SPON2: variants seen among roughly 807,000 people sequenced by gnomAD.
SPON2 encodes the protein spondin 2.
A neutral mutation model predicts 29.9 loss-of-function variants in SPON2; 32 were observed. The ratio of observed to expected loss-of-function variants is 1.07; its 90% CI spans 0.81 to 1.44. The LOEUF is 1.44. Among genes scored for constraint, SPON2 ranks in the 40% most tolerant of loss-of-function variants. The probability of loss-of-function intolerance (pLI) is 0.00; values close to 1 mark genes in which losing one functional copy is unlikely to be tolerated. For synonymous variants in SPON2, 248 were observed against 209.1 expected (o/e 1.19, Z -1.61); for missense variants, 541 against 455.5 (o/e 1.19, Z -1.71).
chr4:1,169,732 A>G (rs1727361556), intron 5 of SPON2: 1 of 152,398 alleles, frequency 6.6e-6, no homozygotes, highest in Non-Finnish European at 1.5e-5. Context: ...TCTGGGGCCT[A>G]CACTGACTGT....
chr4:1,186,048 T>G (rs868024077), intron 1 of SPON2, among the ~76,000 whole-genome samples: 34 of 149,556 alleles, frequency 2.3e-4, no homozygotes, highest in East Asian at 2.0e-3. Flanking sequence ...ATCGAGACCA[T>G]CCTGGCTAAC....
At chr4:1,200,476 G>A (rs1728170647) in intron 1 of SPON2, among the ~76,000 whole-genome samples, 1 of 152,180 alleles carries the variant, frequency 6.6e-6, no homozygotes, top group South Asian at 2.1e-4. Context: ...TGTCAGAGCA[G>A]GGGAGGCTCA....
At chr4:1,176,042 G>C (rs543643084), upstream of SPON2, among the ~76,000 whole-genome samples, 82 of 152,238 alleles carry the variant, frequency 5.4e-4, no homozygotes, top group African/African-American at 1.9e-3. Context: ...GGAGAACTGG[G>C]GCCAGGTGGG....
intron 3 of SPON2, 34 bp downstream of exon 3, chr4:1,171,229 C>G: frequency 7.0e-7 from 1 of 1,434,908 alleles, no homozygotes; most frequent in Non-Finnish European, 9.0e-7. Context: ...GCCCCGGCCC[C>G]CCGGACCCCG....
At chr4:1,206,155 G>A (rs1006236854) in intron 1 of SPON2, among the ~76,000 whole-genome samples, 25 of 152,182 alleles carry the variant, frequency 1.6e-4, no homozygotes, top group African/African-American at 4.3e-4. Flanking sequence ...AGGCTGACCC[G>A]GGGCCATGAA....
upstream of SPON2, among the ~76,000 whole-genome samples, chr4:1,196,605 C>T (rs1728075539): frequency 6.6e-6 from 1 of 152,212 alleles, no homozygotes; most frequent in African/African-American, 2.4e-5. Context: ...CTGGCTGTCT[C>T]CTCTCCTGCA....
Position 1,186,005 on chromosome 4 carries a change from G to A in SPON2, c.-238-6464C>T, listed in dbSNP as rs1260188550. 2.1e-3 allele frequency among the ~76,000 whole-genome samples: 320 copies of A among 151,620 alleles called. 2 individuals are homozygous for A. Among genetic ancestry groups the A allele is most frequent in the African/African-American group, 7.5e-3 (312 of 41,452 alleles). On this transcript the variant is annotated intron_variant, in intron 1 of 3. Transcript: ENST00000502483. ...CACGCCTGTAATCCCAGCACTTTGGGAGGCCGAGGCGGGCGGATCACGAGG... is the reference window on the plus strand; with the variant it reads ...CACGCCTGTAATCCCAGCACTTTGGAAGGCCGAGGCGGGCGGATCACGAGG...
intron 5 of SPON2, chr4:1,167,876 G>A (rs556636285): frequency 6.4e-6 from 3 of 469,590 alleles, no homozygotes; most frequent in Non-Finnish European, 1.1e-5. Context: ...GCGTTTCTAC[G>A]TAAGAGCCGG....
chr4:1,195,953 G>A (rs1728060145), upstream of SPON2, among the ~76,000 whole-genome samples: 2 of 152,202 alleles, frequency 1.3e-5, no homozygotes, highest in African/African-American at 4.8e-5. Context: ...TTGAGTTGGT[G>A]ACTTCGCCTT....
chr4:1,171,289 G>T lies in SPON2; in HGVS notation c.418C>A (p.Leu140Met). Residue 140 changes from leucine to methionine, a missense_variant, in exon 3 of 6, where the codon CTG becomes ATG. Physicochemically the swap from Leu to Met is conservative, Grantham distance 15. Transcript: ENST00000290902. ...AGCGAGTGCCTGCGCTGCACCTCCA[G>T]CTCCGCCGACGTCTGCCCGGTGCCG... ...PSGTGQTSAE[L>M]EVQRRHSLVS... The T allele has an allele frequency of 6.4e-7, 1 of 1,573,202 alleles. No individual in the cohort carries two copies. The highest frequency in any genetic ancestry group is 8.6e-7 in the Non-Finnish European group (1 of 1,166,004).
intron 4 of SPON2, 83 bp from the exon 5 acceptor site, chr4:1,170,659 C>G (rs1199241663): frequency 2.1e-6 from 3 of 1,434,568 alleles, no homozygotes; most frequent in Non-Finnish European, 1.9e-6. Flanking sequence ...GGGCCACTGC[C>G]CAGCGTCCAG....
intron 5 of SPON2, 46 bp from the exon 6 acceptor site, chr4:1,167,702 G>A (rs897149474): frequency 3.3e-6 from 5 of 1,535,138 alleles, no homozygotes; most frequent in African/African-American, 1.4e-5. Flanking sequence ...CGCGTGAAGA[G>A]GCGCTTCGTA....
chr4:1,186,230 C>G (rs1394818974), intron 1 of SPON2, among the ~76,000 whole-genome samples: 3 of 138,542 alleles, frequency 2.2e-5, no homozygotes, highest in East Asian at 2.1e-4. Context: ...GGTGACAGAG[C>G]GAGACTCCGT....
At chr4:1,174,021 G>C (rs961200970), upstream of SPON2, among the ~76,000 whole-genome samples, 1 of 151,522 alleles carries the variant, frequency 6.6e-6, no homozygotes, top group African/African-American at 2.4e-5. Context: ...GCAACACAGG[G>C]AGACCTCATC....
chr4:1,191,911 T>A (rs1182238997), intron 1 of SPON2, among the ~76,000 whole-genome samples: 2 of 152,138 alleles, frequency 1.3e-5, no homozygotes, highest in Non-Finnish European at 1.5e-5. Flanking sequence ...CCCCTCCCCA[T>A]AGGCCTACAC....
At chr4:1,198,113 A>T (rs967442576), upstream of SPON2, among the ~76,000 whole-genome samples, 2 of 151,634 alleles carry the variant, frequency 1.3e-5, no homozygotes, top group African/African-American at 4.9e-5. Flanking sequence ...ACATTGAAAT[A>T]AAAAAACCCA....
intron 5 of SPON2, chr4:1,168,008 C>T: frequency 4.0e-6 from 1 of 251,094 alleles, no homozygotes; most frequent in Non-Finnish European, 7.6e-6. Flanking sequence ...AGCTGCTCTG[C>T]CCGAGCCTGG....
intron 1 of SPON2, among the ~76,000 whole-genome samples, chr4:1,207,292 C>G (rs1269531633): frequency 2.0e-5 from 3 of 151,988 alleles, no homozygotes; most frequent in South Asian, 2.1e-4. Context: ...TCCGGCTGCT[C>G]GACACCCTCC....
rs373861293 is a variant in SPON2, at chr4:1,172,011, T to A, written c.61A>T (p.Thr21Ser). The A allele has an allele frequency of 1.9e-6, 3 of 1,609,928 alleles. No individual in the cohort carries two copies. The African/African-American group carries it at 4.1e-5, about 22-fold the overall frequency. The change falls in exon 2 of 6, where the codon ACT becomes TCT. Residue 21 changes from threonine (T) to serine (S), a missense_variant. By Grantham distance (58) the Thr-to-Ser change is moderately conservative. Transcript: ENST00000290902. ...GKALCALLLATLGAAGQPLGG... is the reference protein window; with the variant it reads ...GKALCALLLASLGAAGQPLGG... ...AGAGGCTGGCCGGCGGCGCCGAGAG[T>A]GGCCAGGAGGAGAGCGCAGAGGGCC...
Sources: allele counts gnomAD v4.1 joint callset (sites outside exome capture counted in the v4.1 genomes callset), GRCh38; gene constraint gnomAD v4.1.1; transcripts MANE v1.5; gene names NCBI Gene and HGNC (gene_info 2026-07-23, HGNC 2026-07-21).